The following DYM variants were observed in gnomAD, a reference collection of about 807,000 sequenced individuals.
The protein encoded by DYM is dyggve-Melchior-Clausen syndrome protein.
A neutral mutation model predicts 93.1 loss-of-function variants in DYM; 78 were observed. The observed-to-expected ratio is 0.84, with a 90% CI of 0.70 to 1.01. DYM has a LOEUF of 1.01. Ranked by LOEUF, DYM falls within the 50% of genes least tolerant of loss-of-function variation. The pLI, the probability that DYM is intolerant of heterozygous loss-of-function variation, is 0.00. For missense variants in DYM, 789 were observed against 845.0 expected (o/e 0.93, Z 0.82); for synonymous variants, 321 against 319.7 (o/e 1.00, Z -0.04).
chr18:49,199,420 C>G (rs2091818006), intron 14 of DYM, among the ~76,000 whole-genome samples: 2 of 152,164 alleles, frequency 1.3e-5, no homozygotes, highest in South Asian at 2.1e-4. Flanking sequence ...ACCAACTTTT[C>G]TGATCTGAAT....
At chr18:49,258,863 G>C (rs1189999396) in intron 11 of DYM, among the ~76,000 whole-genome samples, 11 of 115,442 alleles carry the variant, frequency 9.5e-5, no homozygotes, top group Non-Finnish European at 1.5e-4. Flanking sequence ...GAGAGAGAGA[G>C]AGAGAGAGAG....
intron 16 of DYM, among the ~76,000 whole-genome samples, chr18:49,106,276 C>T (rs1321780974): frequency 3.3e-5 from 5 of 152,178 alleles, no homozygotes; most frequent in African/African-American, 9.7e-5. Flanking sequence ...TCCTCCATCC[C>T]TTTATTCTGA....
intron 13 of DYM, among the ~76,000 whole-genome samples, chr18:49,246,857 T>TATCAAC (rs2094182073): frequency 6.6e-6 from 1 of 152,214 alleles, no homozygotes; most frequent in Non-Finnish European, 1.5e-5. Context: ...CCTAGAGCAG[T>TATCAAC]ATCAACTGGC....
chr18:49,231,186 C>T (rs778077113), intron 13 of DYM, among the ~76,000 whole-genome samples: 7 of 152,222 alleles, frequency 4.6e-5, no homozygotes, highest in East Asian at 1.9e-4. Context: ...TATATGTATG[C>T]GCTTATGTAT....
At position 49,209,641 on chromosome 18, in the gene DYM, G is replaced by A. The variant is rs564309398; in HGVS notation, c.1535C>T (p.Thr512Met). Reference sequence around the variant, plus strand: ...GAGGGTCGAGAAGCAATGCTGAAGCGTAGAACAGTGAGAGTGGGGGAAATA... The same window carrying A: ...GAGGGTCGAGAAGCAATGCTGAAGCATAGAACAGTGAGAGTGGGGGAAATA... The part of the protein sequence containing the change: ...KLYFPHSHCS[T>M]LQHCFSTLSD... The change falls in exon 14 of 18, where the codon ACG (threonine) becomes ATG (methionine). Residue 512 changes from threonine to methionine, a missense_variant. Physicochemically the swap from Thr to Met is moderately conservative, Grantham distance 81. Around this residue, in one of 3 missense-constraint regions of DYM, gnomAD observed 225 missense variants for 303.0 expected, o/e 0.74. Coordinates refer to ENST00000675505, the MANE Select transcript of DYM (RefSeq NM_001353214.3). The A allele has an allele frequency of 4.0e-5, 52 of 1,289,652 alleles. No homozygotes were observed. The highest frequency in any genetic ancestry group is 2.2e-4 in the East Asian group (4 of 18,018). The allele number at this position is 1,289,652 out of a possible 1,614,324, so 79.9% of individuals were successfully genotyped here.
chr18:49,163,225 G>C (rs1053598964), intron 15 of DYM, among the ~76,000 whole-genome samples: 65 of 152,222 alleles, frequency 4.3e-4, no homozygotes, highest in African/African-American at 1.5e-3. Context: ...CCCTTGATTT[G>C]AGACATCATT....
intron 16 of DYM, among the ~76,000 whole-genome samples, chr18:49,110,058 T>A (rs1367386496): frequency 1.3e-5 from 2 of 152,250 alleles, no homozygotes; most frequent in African/African-American, 2.4e-5. Context: ...CTGTTGTCTG[T>A]TTTTGTAAAT....
At chr18:49,187,294 G>C (rs2145607322) in intron 14 of DYM, among the ~76,000 whole-genome samples, 1 of 152,204 alleles carries the variant, frequency 6.6e-6, no homozygotes, top group East Asian at 1.9e-4. Context: ...ATCTGGTCTT[G>C]TCCTGCTCCT....
chr18:49,105,237 T>G (rs1426668637), intron 16 of DYM, among the ~76,000 whole-genome samples: 1 of 152,256 alleles, frequency 6.6e-6, no homozygotes, highest in African/African-American at 2.4e-5. Context: ...TGTATTTCTG[T>G]GGGATCGGTG....
chr18:49,379,295 C>T (rs184466457), intron 4 of DYM, among the ~76,000 whole-genome samples: 11 of 151,836 alleles, frequency 7.2e-5, no homozygotes, highest in East Asian at 1.9e-4. Flanking sequence ...AAGAATATAA[C>T]GGAAATAACT....
chr18:49,179,685 T>C (rs1482095209), intron 14 of DYM, among the ~76,000 whole-genome samples: 1 of 152,136 alleles, frequency 6.6e-6, no homozygotes, highest in Non-Finnish European at 1.5e-5. Flanking sequence ...GATATTACTA[T>C]CCCTATTTTA....
At chr18:49,266,113 T>C (rs2094566552) in intron 11 of DYM, among the ~76,000 whole-genome samples, 1 of 151,890 alleles carries the variant, frequency 6.6e-6, no homozygotes, top group Non-Finnish European at 1.5e-5. Flanking sequence ...AAAAAATTTT[T>C]ACAAAATTAA....
At chr18:49,357,063 T>C (rs912270582) in intron 6 of DYM, among the ~76,000 whole-genome samples, 1 of 152,232 alleles carries the variant, frequency 6.6e-6, no homozygotes, top group Non-Finnish European at 1.5e-5. Context: ...CTGCTCAACC[T>C]AATGTGCTTG....
intron 14 of DYM, among the ~76,000 whole-genome samples, chr18:49,196,949 G>C (rs1236385259): frequency 6.6e-6 from 1 of 152,118 alleles, no homozygotes; most frequent in Non-Finnish European, 1.5e-5. Context: ...GTAGAGATTT[G>C]ATTTATATTT....
rs369941531 is a variant in DYM at position 49,220,035 on chromosome 18, T to A, written c.1461-10320A>T. On this transcript the variant is annotated intron_variant, in intron 13 of 17. Coordinates refer to ENST00000675505, the MANE Select transcript of DYM (RefSeq NM_001353214.3). Reference sequence around the variant, plus strand: ...GTCTCAGCCCAAAATCTCCTTAAGCTGATAAGCAACTTCAGCAAAGTCCCA... The same window carrying A: ...GTCTCAGCCCAAAATCTCCTTAAGCAGATAAGCAACTTCAGCAAAGTCCCA... 7.2e-5 allele frequency among the ~76,000 whole-genome samples: 11 copies of A among 152,120 alleles called. No individual in the cohort carries two copies. The East Asian group carries it at 1.5e-3, about 21-fold the overall frequency.
rs1366654960 is a variant in DYM at position 49,220,554 on chromosome 18, G to C, written c.1461-10839C>G. On this transcript the variant is annotated intron_variant, in intron 13 of 17. Transcript: ENST00000675505. ...ACAGCATGGTACTGGTACCAAAACA[G>C]AGATATAGATCAATGGAACAGAACA... Among the ~76,000 whole-genome samples, 398 of 151,350 alleles carry C rather than the reference G, an allele frequency of 2.6e-3. 2 individuals are homozygous for C. The highest frequency in any genetic ancestry group is 6.8e-3 in the Middle Eastern group (2 of 294).
intron 15 of DYM, among the ~76,000 whole-genome samples, chr18:49,133,781 C>G (rs553982466): frequency 6.6e-6 from 1 of 152,274 alleles, no homozygotes; most frequent in East Asian, 1.9e-4. Flanking sequence ...TAGGTTAGAC[C>G]CATCTGGAAT....
chr18:49,231,521 C>G (rs1316594673), intron 13 of DYM, among the ~76,000 whole-genome samples: 1 of 152,208 alleles, frequency 6.6e-6, no homozygotes, highest in Non-Finnish European at 1.5e-5. Context: ...CACTGCTGAA[C>G]AGCTTAAGTT....
At chr18:49,106,895 C>G (rs1285456165) in intron 16 of DYM, among the ~76,000 whole-genome samples, 2 of 152,144 alleles carry the variant, frequency 1.3e-5, no homozygotes, top group African/African-American at 4.8e-5. Flanking sequence ...TGGAGTTGCT[C>G]TTCTCGAGGA....
Sources: allele counts gnomAD v4.1 joint callset (sites outside exome capture counted in the v4.1 genomes callset), GRCh38; gene constraint gnomAD v4.1.1; regional missense constraint gnomAD v4.1.1; transcripts MANE v1.5; gene names NCBI Gene and HGNC (gene_info 2026-07-23, HGNC 2026-07-21).